Variants in CDH12 observed in about 807,000 individuals in gnomAD.
CDH12 encodes cadherin 12.
In CDH12, 41 loss-of-function variants were observed where a neutral mutation model predicts 74.1. The observed-to-expected ratio is 0.55, with a 90% CI of 0.43 to 0.72. The LOEUF is 0.72. CDH12 is among the 30% of genes least tolerant of loss of function. The probability of loss-of-function intolerance (pLI) is 0.00; values close to 1 mark genes in which losing one functional copy is unlikely to be tolerated. For missense variants in CDH12, 945 were observed against 977.2 expected (o/e 0.97, Z 0.44); for synonymous variants, 399 against 355.0 (o/e 1.12, Z -1.39).
chr5:22,595,562 AT>A (rs1232088909), intron 1 of CDH12, among the ~76,000 whole-genome samples: 7 of 152,256 alleles, frequency 4.6e-5, no homozygotes, highest in Admixed American at 1.3e-4. Context: ...TTCACTGTAA[AT>A]TTTTGCTAGA....
At chr5:22,262,712 A>T (rs542255124) in intron 3 of CDH12, among the ~76,000 whole-genome samples, 1 of 151,822 alleles carries the variant, frequency 6.6e-6, no homozygotes, top group East Asian at 2.0e-4. Flanking sequence ...CAATGGTTGA[A>T]CTAGTTTACA....
intron 1 of CDH12, among the ~76,000 whole-genome samples, chr5:22,696,391 A>AT (rs71979395): frequency 3.1e-4 from 47 of 150,490 alleles, no homozygotes; most frequent in East Asian, 1.2e-3. Context: ...AAAAAAAAAA[A>AT]TTTTCTTTTA....
chr5:21,777,962 C>T (rs181118108), intron 11 of CDH12, among the ~76,000 whole-genome samples: 54 of 152,176 alleles, frequency 3.5e-4, no homozygotes, highest in Admixed American at 2.0e-3. Flanking sequence ...ATTTTATATC[C>T]ACTGTCAGAA....
chr5:22,348,763 T>C (rs917662592), intron 3 of CDH12, among the ~76,000 whole-genome samples: 7 of 152,164 alleles, frequency 4.6e-5, no homozygotes, highest in Admixed American at 3.3e-4. Flanking sequence ...TTAAAAGATA[T>C]GGATGGGATG....
chr5:22,772,324 G>C (rs1001404217), intron 1 of CDH12, among the ~76,000 whole-genome samples: 1 of 152,024 alleles, frequency 6.6e-6, no homozygotes, highest in Non-Finnish European at 1.5e-5. Flanking sequence ...GATTTGACAA[G>C]AAGGTGTCCT....
chr5:22,080,653 T>C (rs1742661589), intron 4 of CDH12, among the ~76,000 whole-genome samples: 1 of 152,190 alleles, frequency 6.6e-6, no homozygotes, highest in South Asian at 2.1e-4. Flanking sequence ...TTAAATTATA[T>C]GTTGAATTTC....
rs138864875 is a variant in CDH12, at chr5:22,045,865, T to C, written c.231+32581A>G. Among the ~76,000 whole-genome samples, 333 of 152,322 alleles carry C rather than the reference T, an allele frequency of 2.2e-3. 4 individuals are homozygous for C. The highest frequency in any genetic ancestry group is 7.5e-3 in the African/African-American group (310 of 41,582). On this transcript the variant is annotated intron_variant, in intron 5 of 14. Transcript: ENST00000382254. ...TACAGTTAAGAGGGATAAATTTTTA[T>C]GTTTTGCTGCACAGTATGGTGACTA...
rs142626654 is a variant in CDH12, at chr5:22,497,932, C to T, written c.-428+7338G>A. ...TGCTGGGATTACAGGGATGAGCCAG[C>T]GTGAGCCACCGTGCCCAGCTGAACC... On this transcript the variant is annotated intron_variant, in intron 2 of 14. Coordinates refer to ENST00000382254, the MANE Select transcript of CDH12 (RefSeq NM_004061.5). Among the ~76,000 whole-genome samples the T allele has an allele frequency of 6.3e-3, 958 of 152,166 alleles. 7 individuals are homozygous for T. Among genetic ancestry groups the T allele is most frequent in the Non-Finnish European group, 0.01 (684 of 68,030 alleles).
chr5:22,427,677 T>C (rs1261770634), intron 2 of CDH12, among the ~76,000 whole-genome samples: 2 of 152,212 alleles, frequency 1.3e-5, no homozygotes, highest in East Asian at 3.9e-4. Context: ...GTTCATGGTC[T>C]GATATCCCTA....
At chr5:21,980,330 C>T (rs181987779) in intron 5 of CDH12, among the ~76,000 whole-genome samples, 8 of 152,042 alleles carry the variant, frequency 5.3e-5, no homozygotes, top group African/African-American at 1.7e-4. Context: ...ATGAACAACC[C>T]TGGACAGTTA....
intron 1 of CDH12, among the ~76,000 whole-genome samples, chr5:22,524,092 T>C (rs905642628): frequency 6.6e-6 from 1 of 151,300 alleles, no homozygotes; most frequent in Non-Finnish European, 1.5e-5. Context: ...AGGTGATCCA[T>C]CCACCCCAGC....
intron 3 of CDH12, among the ~76,000 whole-genome samples, chr5:22,248,219 A>G (rs1753023509): frequency 6.6e-6 from 1 of 152,142 alleles, no homozygotes; most frequent in African/African-American, 2.4e-5. Context: ...AGAATTGCTT[A>G]ACCCAGGAGG....
intron 1 of CDH12, among the ~76,000 whole-genome samples, chr5:22,730,186 A>G (rs1744362309): frequency 6.6e-6 from 1 of 151,854 alleles, no homozygotes. Context: ...AATGAAAACA[A>G]CAACAACGAC....
At chr5:22,404,319 T>G (rs1038586803) in intron 3 of CDH12, among the ~76,000 whole-genome samples, 3 of 152,128 alleles carry the variant, frequency 2.0e-5, no homozygotes, top group Admixed American at 6.6e-5. Context: ...ATTCCTGATT[T>G]TCTTTCAGCT....
At chr5:22,745,334 A>C (rs1745239073) in intron 1 of CDH12, among the ~76,000 whole-genome samples, 1 of 152,166 alleles carries the variant, frequency 6.6e-6, no homozygotes, top group Admixed American at 6.5e-5. Context: ...CATGTTTTCA[A>C]ATCTAAATCT....
chr5:22,221,714 A>G (rs994079578), intron 3 of CDH12, among the ~76,000 whole-genome samples: 2 of 151,992 alleles, frequency 1.3e-5, no homozygotes, highest in Middle Eastern at 3.4e-3. Flanking sequence ...CCCATGTCCT[A>G]TTGATAGTGG....
rs377281289 is a variant in CDH12, at chr5:22,109,357, A to T, written c.-186-30495T>A. 3.1e-3 allele frequency among the ~76,000 whole-genome samples: 467 copies of T among 152,296 alleles called. 2 individuals are homozygous for T. The highest frequency in any genetic ancestry group is 4.9e-3 in the Non-Finnish European group (332 of 68,020). The stretch of plus-strand genomic sequence containing the variant: ...CTACTGCCCATTATAAATGATTCAG[A>T]ATTTCCAAGTTCAGGAGTCCTCTGC... On this transcript the variant is annotated intron_variant, in intron 4 of 14. Coordinates refer to ENST00000382254, the MANE Select transcript of CDH12 (RefSeq NM_004061.5).
intron 3 of CDH12, among the ~76,000 whole-genome samples, chr5:22,296,084 G>C (rs1424682708): frequency 1.3e-5 from 2 of 151,426 alleles, no homozygotes; most frequent in Non-Finnish European, 2.9e-5. Flanking sequence ...ATACCTATAG[G>C]AGAAAAATAA....
intron 4 of CDH12, among the ~76,000 whole-genome samples, chr5:22,205,733 G>A (rs1751183564): frequency 6.6e-6 from 1 of 152,050 alleles, no homozygotes; most frequent in Non-Finnish European, 1.5e-5. Flanking sequence ...TGTTACCAGA[G>A]AAGTCAGCAT....
Sources: gnomAD v4.1 joint callset for allele counts (sites outside exome capture counted in the v4.1 genomes callset) on GRCh38, gnomAD v4.1.1 for gene constraint, MANE v1.5 for transcripts, NCBI Gene and HGNC (gene_info 2026-07-23, HGNC 2026-07-21) for gene names.